Variants in ANKS6 observed in about 807,000 individuals in gnomAD.
The protein encoded by ANKS6 is ankyrin repeat and sterile alpha motif domain containing 6.
A neutral mutation model predicts 77.9 loss-of-function variants in ANKS6; 47 were observed. The ratio of observed to expected loss-of-function variants is 0.60; its 90% confidence interval spans 0.48 to 0.77. The LOEUF (loss-of-function observed/expected upper bound fraction) is 0.77, where lower values mean the gene tolerates loss of function less well. Ranked by LOEUF, ANKS6 falls within the 30% of genes least tolerant of loss-of-function variation. The pLI is 0.00. For synonymous variants in ANKS6, 488 were observed against 501.7 expected, an observed-to-expected ratio of 0.97 and a Z score of 0.37; for missense variants, 1,150 against 1,159.1, an observed-to-expected ratio of 0.99 and a Z score of 0.11.
At chr9:98,788,686 A>C (rs111347621) in intron 2 of ANKS6, among the ~76,000 whole-genome samples, 124 of 152,348 alleles carry the variant, frequency 8.1e-4, no homozygotes, top group Admixed American at 2.1e-3. Context: ...TCCATTTCAC[A>C]GATGAGGCAA....
At chr9:98,770,703 T>C (rs752397436) in intron 10 of ANKS6, among the ~76,000 whole-genome samples, 193 bp downstream of exon 10, 1 of 152,158 alleles carries the variant, frequency 6.6e-6, no homozygotes, top group Non-Finnish European at 1.5e-5. Context: ...TCTCCATCCA[T>C]CTGCATCCCC....
Position 98,773,839 on chromosome 9 carries a change from G to C in ANKS6, c.1821+38C>G, listed in dbSNP as rs774624105. ...GAACACACCATGATCTCAGTGAGCA[G>C]TGAGTGATGTGTAAAAGTGTGTCAG... On this transcript the variant is annotated intron_variant, in intron 9 of 14. Transcript: ENST00000353234. 3.4e-6 allele frequency: 5 copies of C among 1,470,132 alleles called. No individual in the cohort carries two copies. The African/African-American group carries it at 7.1e-5, about 21-fold the overall frequency. The allele number at this position is 1,470,132 out of a possible 1,614,324, so 91.1% of individuals were successfully genotyped here.
rs766186101 is a variant in ANKS6 at position 98,790,232 on chromosome 9, A to G, written c.734T>C (p.Val245Ala). The G allele has an allele frequency of 6.2e-7, 1 of 1,606,834 alleles. No homozygotes were observed. Among genetic ancestry groups the G allele is most frequent in the Non-Finnish European group, 8.5e-7 (1 of 1,174,824 alleles). Residue 245 changes from valine to alanine, a missense_variant, in exon 2 of 15, where the codon GTG (valine) becomes GCG (alanine). Val to Ala is a moderately conservative substitution (Grantham distance 64). Transcript: ENST00000353234. Reference protein sequence around the residue: ...TGRLGVAQQLVEKGANPDHLS... With the variant: ...TGRLGVAQQLAEKGANPDHLS... ...GTGGTCAGGGTTGGCGCCCTTCTCC[A>G]CCAGCTGCTGGGCCACTCCAAGCCG...
intron 13 of ANKS6, among the ~76,000 whole-genome samples, chr9:98,749,489 T>C (rs1413532286): frequency 6.6e-6 from 1 of 152,038 alleles, no homozygotes; most frequent in East Asian, 1.9e-4. Context: ...CAACAACCTC[T>C]GAACGATGAA....
rs1831254344 is a variant in ANKS6 at position 98,732,508 on chromosome 9, C to T, written c.*4011G>A. On this transcript the variant is annotated 3_prime_UTR_variant, in exon 15 of 15. Coordinates refer to ENST00000353234, the MANE Select transcript of ANKS6 (RefSeq NM_173551.5). ...GCAGAGCCACCTGAGCGGCTGCTAC[C>T]TCTTGCCGGAGGCAGTTTCTTCTGG... 4.5e-6 allele frequency: 7 copies of T among 1,550,500 alleles called. No homozygotes were observed. The highest frequency in any genetic ancestry group is 6.1e-6 in the Non-Finnish European group (7 of 1,147,010).
In ANKS6 at chr9:98,756,449, C is replaced by T. The variant is rs1470868833; in HGVS notation, c.2297G>A (p.Gly766Asp). Reference protein sequence around the residue: ...SSHRQSKSSGGSSSGTITDED... With the variant: ...SSHRQSKSSGDSSSGTITDED... ...ATCTGTGATGGTGCCACTGCTGGAG[C>T]CCCCACTGCTCTTGGACTGCCGATG... The change falls in exon 12 of 15, where the codon GGC (glycine) becomes GAC (aspartate). Residue 766 changes from glycine to aspartate, a missense_variant. Gly to Asp is a moderately conservative substitution (Grantham distance 94). Coordinates refer to ENST00000353234, the MANE Select transcript of ANKS6 (RefSeq NM_173551.5). 2 of 1,613,334 alleles carry T rather than the reference C, an allele frequency of 1.2e-6. No homozygotes were observed. The highest frequency in any genetic ancestry group is 1.1e-5 in the South Asian group (1 of 91,064).
chr9:98,735,940 G>A lies in ANKS6; in HGVS notation c.*579C>T. 8.1e-7 allele frequency: 1 copy of A among 1,230,102 alleles called. No homozygotes were observed. The highest frequency in any genetic ancestry group is 1.0e-6 in the Non-Finnish European group (1 of 987,650). The allele number at this position is 1,230,102 out of a possible 1,614,324, so 76.2% of individuals were successfully genotyped here. A position where few individuals can be genotyped will look rare whatever the true frequency, so the allele number is the denominator to read the frequency against. On this transcript the variant is annotated 3_prime_UTR_variant, in exon 15 of 15. Transcript: ENST00000353234. ...TGAGAGGTGACTTGGACTAGGAGGG[G>A]CAAGTTAGAAGTTTTAAGGGAAGAT...
chr9:98,792,248 C>G (rs1193789769), intron 1 of ANKS6, among the ~76,000 whole-genome samples: 1 of 152,156 alleles, frequency 6.6e-6, no homozygotes, highest in Non-Finnish European at 1.5e-5. Context: ...GGAGTCATAT[C>G]TCACCCACTC....
At chr9:98,795,258 C>A (rs1004116276) in intron 1 of ANKS6, among the ~76,000 whole-genome samples, 1 of 152,154 alleles carries the variant, frequency 6.6e-6, no homozygotes, top group African/African-American at 2.4e-5. Context: ...ACCTAACCAG[C>A]CTTTTTGACT....
chr9:98,744,002 C>T (rs1297816342), intron 14 of ANKS6, among the ~76,000 whole-genome samples: 1 of 152,148 alleles, frequency 6.6e-6, no homozygotes, highest in African/African-American at 2.4e-5. Context: ...ACCCCCCTGC[C>T]CTCCCCCTTG....
chr9:98,746,820 C>G (rs983743247), intron 13 of ANKS6, among the ~76,000 whole-genome samples: 1 of 152,208 alleles, frequency 6.6e-6, no homozygotes, highest in African/African-American at 2.4e-5. Context: ...CGGGCCCTTC[C>G]CCCTGGGGAG....
chr9:98,785,075 G>A (rs1834492198), intron 2 of ANKS6, among the ~76,000 whole-genome samples, 199 bp from the exon 3 acceptor site: 1 of 152,214 alleles, frequency 6.6e-6, no homozygotes, highest in African/African-American at 2.4e-5. Flanking sequence ...ACACTTCAGA[G>A]ACAGATCTTG....
At chr9:98,755,560 G>C (rs1214998692) in intron 12 of ANKS6, among the ~76,000 whole-genome samples, 1 of 152,224 alleles carries the variant, frequency 6.6e-6, no homozygotes, top group African/African-American at 2.4e-5. Context: ...CAGGTTCCAA[G>C]GCTCTCCTGG....
At chr9:98,765,789 T>C (rs375594721) in intron 11 of ANKS6, among the ~76,000 whole-genome samples, 3 of 152,226 alleles carry the variant, frequency 2.0e-5, no homozygotes, top group African/African-American at 7.2e-5. Context: ...CCCTGCTAGA[T>C]GCCATGCCTT....
At chr9:98,747,845 G>A (rs1832222305) in intron 13 of ANKS6, among the ~76,000 whole-genome samples, 1 of 152,176 alleles carries the variant, frequency 6.6e-6, no homozygotes, top group Non-Finnish European at 1.5e-5. Context: ...AGCCCATGGT[G>A]TACAGAAGCA....
At chr9:98,787,185 G>A (rs915698857) in intron 2 of ANKS6, among the ~76,000 whole-genome samples, 6 of 152,076 alleles carry the variant, frequency 3.9e-5, no homozygotes, top group Admixed American at 1.3e-4. Context: ...TTCATAATCT[G>A]TCATTATCAA....
In ANKS6 at chr9:98,745,568, G is replaced by C. The variant is rs201958764; in HGVS notation, c.2502C>G (p.Asn834Lys). ...AAACAGAGAACGGTACCTTGCCTGCGTTCAGTTCAGAAATCGCTGCCAGAA... is the reference window on the plus strand; with the variant it reads ...AAACAGAGAACGGTACCTTGCCTGCCTTCAGTTCAGAAATCGCTGCCAGAA... ...QQILAAISEL[N>K]AGKGRERQIL... is the part of the protein sequence containing the mutation. The change falls in exon 14 of 15, where the codon AAC becomes AAG. Residue 834 changes from asparagine to lysine, a missense_variant. Physicochemically the swap from Asn to Lys is moderately conservative, Grantham distance 94 (BLOSUM62 0). Coordinates refer to ENST00000353234, the MANE Select transcript of ANKS6 (RefSeq NM_173551.5). 1 of 1,613,122 alleles carries C rather than the reference G, an allele frequency of 6.2e-7. No homozygotes were observed. Among genetic ancestry groups the C allele is most frequent in the Admixed American group, 1.7e-5 (1 of 60,026 alleles).
rs1831437078 is a variant in ANKS6 at position 98,735,287 on chromosome 9, C to T, written c.*1232G>A. 1 of 994,516 alleles carries T rather than the reference C, an allele frequency of 1.0e-6. No homozygotes were observed. Among genetic ancestry groups the T allele is most frequent in the South Asian group, 4.7e-5 (1 of 21,382 alleles). The allele number at this position is 994,516 out of a possible 1,614,324, so 61.6% of individuals were successfully genotyped here. A position where few individuals can be genotyped will look rare whatever the true frequency, so the allele number is the denominator to read the frequency against. On this transcript the variant is annotated 3_prime_UTR_variant, in exon 15 of 15. Coordinates refer to ENST00000353234, the MANE Select transcript of ANKS6 (RefSeq NM_173551.5). The stretch of plus-strand genomic sequence containing the variant: ...TCTCAATGTCGGGACCATCTATTTA[C>T]AGGTGTTCTCTTGCCTGTCGAGAGC...
intron 13 of ANKS6, among the ~76,000 whole-genome samples, chr9:98,750,179 G>A (rs575118141): frequency 1.3e-5 from 2 of 152,054 alleles, no homozygotes; most frequent in Admixed American, 1.3e-4. Context: ...CATTCTACCC[G>A]CCTACTCCTC....
Sources: allele counts gnomAD v4.1 joint callset (sites outside exome capture counted in the v4.1 genomes callset), GRCh38; gene constraint gnomAD v4.1.1; transcripts MANE v1.5; gene names NCBI Gene and HGNC (gene_info 2026-07-23, HGNC 2026-07-21).